The following FRMD6 variants were observed in gnomAD, a reference collection of about 807,000 sequenced individuals.
The protein encoded by FRMD6 is FERM domain-containing protein 6.
FRMD6 carries 37 observed loss-of-function variants against 73.2 expected under a neutral mutation model. That is an observed-to-expected ratio of 0.51 (90% CI 0.39 to 0.66). FRMD6 has a LOEUF of 0.66. FRMD6 is among the 30% of genes least tolerant of loss of function. The pLI is 0.00. For missense variants in FRMD6, 714 were observed against 780.5 expected (o/e 0.91, Z 1.02); for synonymous variants, 273 against 282.2 (o/e 0.97, Z 0.33).
intron 2 of FRMD6, among the ~76,000 whole-genome samples, chr14:51,628,800 CAAAA>C (rs764713119): frequency 7.6e-5 from 4 of 52,324 alleles, no homozygotes; most frequent in African/African-American, 2.1e-4. Context: ...GACTCTGTCT[CAAAA>C]AAAAAAAAAA....
the FRMD6 span, among the ~76,000 whole-genome samples, chr14:51,408,692 A>T: frequency 1.3e-5 from 2 of 152,120 alleles, no homozygotes; most frequent in Admixed American, 6.5e-5. Flanking sequence ...TTAAACATGT[A>T]AAGTATTTTC....
chr14:51,585,961 A>ATATATATATATAT (rs1555324347), intron 2 of FRMD6, among the ~76,000 whole-genome samples: 43 of 56,246 alleles, frequency 7.6e-4, no homozygotes, highest in Non-Finnish European at 1.2e-3. Context: ...ATATATATAT[A>ATATATATATATAT]ACATTTTCTT....
rs149458523 is a variant in FRMD6, at chr14:51,690,747, A to G, written c.99+812A>G. On this transcript the variant is annotated intron_variant, in intron 2 of 13. Transcript: ENST00000344768. ...AGTAGCCAAAATCTAGCCAATTTCCAGGACTAGGTGCCTATAGGCTGAACA... is the reference window on the plus strand; with the variant it reads ...AGTAGCCAAAATCTAGCCAATTTCCGGGACTAGGTGCCTATAGGCTGAACA... Among the ~76,000 whole-genome samples, 23 of 152,292 alleles carry G rather than the reference A, an allele frequency of 1.5e-4. No individual in the cohort carries two copies. The East Asian group carries it at 4.3e-3, about 28-fold the overall frequency.
chr14:51,674,643 G>A (rs1894255595), intron 1 of FRMD6, among the ~76,000 whole-genome samples: 2 of 152,072 alleles, frequency 1.3e-5, no homozygotes, highest in Admixed American at 1.3e-4. Flanking sequence ...TTGAGGTATG[G>A]TTCCATTTTT....
chr14:51,461,969 G>C, the FRMD6 span, among the ~76,000 whole-genome samples: 1 of 152,098 alleles, frequency 6.6e-6, no homozygotes, highest in Non-Finnish European at 1.5e-5. Flanking sequence ...AATGTTAGCT[G>C]TTCTTATTCT....
chr14:51,567,028 G>C (rs574949746), intron 1 of FRMD6, among the ~76,000 whole-genome samples: 7 of 152,316 alleles, frequency 4.6e-5, no homozygotes, highest in African/African-American at 1.7e-4. Context: ...AGCAGGTTAA[G>C]TGGGAGAAGC....
At chr14:51,570,745 A>G (rs545568661) in intron 2 of FRMD6, among the ~76,000 whole-genome samples, 34 of 152,370 alleles carry the variant, frequency 2.2e-4, no homozygotes, top group African/African-American at 7.7e-4. Context: ...GGCCAAAGGA[A>G]TAGAAAATAT....
At chr14:51,471,393 T>C in the FRMD6 span, among the ~76,000 whole-genome samples, 2,628 of 151,430 alleles carry the variant, frequency 0.017, 29 homozygotes, top group Non-Finnish European at 0.028. Flanking sequence ...CCCAGCTACT[T>C]GGGAGGCTGA....
intron 2 of FRMD6, among the ~76,000 whole-genome samples, chr14:51,571,892 T>G (rs1056667777): frequency 1.3e-5 from 2 of 152,198 alleles, no homozygotes; most frequent in African/African-American, 4.8e-5. Flanking sequence ...TCAAACTTTG[T>G]CTCATTAAAA....
At chr14:51,599,588 A>G (rs1367299594) in intron 2 of FRMD6, among the ~76,000 whole-genome samples, 1 of 152,210 alleles carries the variant, frequency 6.6e-6, no homozygotes, top group African/African-American at 2.4e-5. Flanking sequence ...TTTGCAAGCT[A>G]TATATCCAGC....
intron 1 of FRMD6, among the ~76,000 whole-genome samples, chr14:51,559,479 T>TTG (rs1566813993): frequency 6.6e-6 from 1 of 151,804 alleles, no homozygotes; most frequent in Non-Finnish European, 1.5e-5. Flanking sequence ...TTACTTTTTT[T>TTG]TTTTTTTTTT....
the FRMD6 span, among the ~76,000 whole-genome samples, chr14:51,476,433 T>G: frequency 6.6e-6 from 1 of 152,152 alleles, no homozygotes; most frequent in Non-Finnish European, 1.5e-5. Flanking sequence ...GCTAAATCTC[T>G]GTGGACTTTG....
the FRMD6 span, among the ~76,000 whole-genome samples, chr14:51,456,638 G>A: frequency 6.6e-6 from 1 of 152,004 alleles, no homozygotes; most frequent in South Asian, 2.1e-4. Flanking sequence ...TCTGAGAAGT[G>A]TCTGTTCATA....
intron 1 of FRMD6, among the ~76,000 whole-genome samples, chr14:51,684,051 T>TA (rs566970942): frequency 1.1e-4 from 17 of 152,086 alleles, no homozygotes; most frequent in African/African-American, 4.1e-4. Context: ...ATGGTAACTG[T>TA]AAAACAGGCC....
chr14:51,468,480 A>AT, the FRMD6 span, among the ~76,000 whole-genome samples: 34 of 152,238 alleles, frequency 2.2e-4, no homozygotes, highest in Middle Eastern at 3.4e-3. Flanking sequence ...AAATTCACTT[A>AT]TTTTTTCTAA....
chr14:51,462,099 A>AGAAG, the FRMD6 span, among the ~76,000 whole-genome samples: 1 of 152,164 alleles, frequency 6.6e-6, no homozygotes, highest in Non-Finnish European at 1.5e-5. Flanking sequence ...AAAGAAAGAA[A>AGAAG]GAAGGAAGGA....
At chr14:51,607,253 C>G (rs1455918595) in intron 2 of FRMD6, among the ~76,000 whole-genome samples, 1 of 152,128 alleles carries the variant, frequency 6.6e-6, no homozygotes, top group African/African-American at 2.4e-5. Context: ...GGGTGACCAC[C>G]CTTTCTTCAT....
At chr14:51,515,335 T>C (rs1443641077) in intron 1 of FRMD6, among the ~76,000 whole-genome samples, 1 of 152,222 alleles carries the variant, frequency 6.6e-6, no homozygotes, top group Non-Finnish European at 1.5e-5. Flanking sequence ...AACTAGTCCC[T>C]TTGCCCAGTG....
intron 1 of FRMD6, among the ~76,000 whole-genome samples, chr14:51,518,397 C>T (rs1279762660): frequency 6.6e-6 from 1 of 152,166 alleles, no homozygotes; most frequent in Non-Finnish European, 1.5e-5. Context: ...GGAGTCCCAG[C>T]TAGTCCACTT....
Sources: allele counts gnomAD v4.1 joint callset (sites outside exome capture counted in the v4.1 genomes callset), GRCh38; gene constraint gnomAD v4.1.1; transcripts MANE v1.5; gene names NCBI Gene and HGNC (gene_info 2026-07-23, HGNC 2026-07-21).